Variants in STK33 observed in about 807,000 individuals in gnomAD.
The protein encoded by STK33 is serine/threonine kinase 33, also known as serine/threonine-protein kinase 33.
STK33 carries 52 observed loss-of-function variants against 58.0 expected under a neutral mutation model. The ratio of observed to expected loss-of-function variants is 0.90; its 90% CI spans 0.72 to 1.13. STK33 has a LOEUF of 1.13. Ranked by LOEUF, STK33 falls within the 50% of genes most tolerant of loss-of-function variation. The probability of loss-of-function intolerance (pLI) is 0.00; values close to 1 mark genes in which losing one functional copy is unlikely to be tolerated. For synonymous variants in STK33, 215 were observed against 200.1 expected, an observed-to-expected ratio of 1.07 and a Z score of -0.63; for missense variants, 630 against 604.2, an observed-to-expected ratio of 1.04 and a Z score of -0.45.
At chr11:8,479,881 C>A (rs1315987888) in intron 2 of STK33, among the ~76,000 whole-genome samples, 2 of 152,010 alleles carry the variant, frequency 1.3e-5, no homozygotes, top group Non-Finnish European at 2.9e-5. Context: ...AACCAGAAGC[C>A]AAGGACCTTT....
At chr11:8,391,860 A>C (rs73402068), downstream of STK33, 16,347 of 152,886 alleles carry the variant, frequency 0.11, 1,005 homozygotes, top group African/African-American at 0.14. Flanking sequence ...TGTTAACATA[A>C]AAATTAATGT....
At chr11:8,437,062 C>T (rs1288048194) in intron 12 of STK33, among the ~76,000 whole-genome samples, 1 of 152,106 alleles carries the variant, frequency 6.6e-6, no homozygotes, top group African/African-American at 2.4e-5. Context: ...GGACACAACT[C>T]ATCAAAAATT....
chr11:8,477,064 T>A (rs1299598632), intron 3 of STK33, among the ~76,000 whole-genome samples, 186 bp downstream of exon 3: 2 of 150,678 alleles, frequency 1.3e-5, no homozygotes, highest in African/African-American at 4.9e-5. Flanking sequence ...TAATGGAGAG[T>A]ATGAGGACAG....
At chr11:8,370,609 C>A in the STK33 span, among the ~76,000 whole-genome samples, 5 of 152,172 alleles carry the variant, frequency 3.3e-5, no homozygotes, top group East Asian at 3.9e-4. Context: ...GCTACAGATA[C>A]GGGGCCCAGA....
At chr11:8,488,934 T>C (rs1057402279) in intron 1 of STK33, among the ~76,000 whole-genome samples, 9 of 152,130 alleles carry the variant, frequency 5.9e-5, no homozygotes, top group Non-Finnish European at 1.0e-4. Flanking sequence ...GTTTTAAATA[T>C]GTTCAAAGTG....
chr11:8,518,078 G>C (rs1952983569), intron 1 of STK33, among the ~76,000 whole-genome samples: 1 of 152,144 alleles, frequency 6.6e-6, no homozygotes, highest in Admixed American at 6.5e-5. Flanking sequence ...AAAATGTTAA[G>C]GGCAGCCAGA....
intron 1 of STK33, among the ~76,000 whole-genome samples, chr11:8,515,136 C>A (rs546246423): frequency 6.6e-6 from 1 of 151,848 alleles, no homozygotes; most frequent in South Asian, 2.1e-4. Context: ...GAAAAGAATA[C>A]AAGAGACATA....
intron 1 of STK33, among the ~76,000 whole-genome samples, chr11:8,497,365 T>G (rs1232836441): frequency 6.6e-6 from 1 of 152,170 alleles, no homozygotes; most frequent in African/African-American, 2.4e-5. Flanking sequence ...GAGAAGCAAC[T>G]TATCACATAC....
At chr11:8,401,259 A>C (rs905570629) in intron 15 of STK33, among the ~76,000 whole-genome samples, 1 of 152,350 alleles carries the variant, frequency 6.6e-6, no homozygotes, top group East Asian at 1.9e-4. Flanking sequence ...TGGTACTGGT[A>C]CCAAAACAGA....
At chr11:8,349,132 C>T in the STK33 span, among the ~76,000 whole-genome samples, 7 of 152,306 alleles carry the variant, frequency 4.6e-5, no homozygotes, top group Admixed American at 2.6e-4. Flanking sequence ...ATTTCCACTT[C>T]TAGCTGTGTG....
At chr11:8,336,587 T>C in the STK33 span, among the ~76,000 whole-genome samples, 204 of 152,310 alleles carry the variant, frequency 1.3e-3, 1 homozygote, top group African/African-American at 4.4e-3. Context: ...CAGCACAAAG[T>C]GGGTGGCCCA....
At chr11:8,467,991 C>A (rs1233251411) in intron 6 of STK33, among the ~76,000 whole-genome samples, 1 of 151,780 alleles carries the variant, frequency 6.6e-6, no homozygotes, top group Non-Finnish European at 1.5e-5. Flanking sequence ...TTTTTGGCAG[C>A]ACCCCACTTC....
intron 1 of STK33, among the ~76,000 whole-genome samples, chr11:8,520,208 T>C (rs1953271393): frequency 6.6e-6 from 1 of 152,194 alleles, no homozygotes; most frequent in Non-Finnish European, 1.5e-5. Flanking sequence ...TCAATAAATG[T>C]AATCCAGCAT....
intron 1 of STK33, among the ~76,000 whole-genome samples, chr11:8,498,258 C>A (rs1273005701): frequency 2.0e-5 from 3 of 152,012 alleles, no homozygotes; most frequent in African/African-American, 7.2e-5. Context: ...TGATAAAAGT[C>A]ATCTATTAAA....
chr11:8,435,127 C>T (rs373681235), intron 14 of STK33, among the ~76,000 whole-genome samples: 2 of 152,168 alleles, frequency 1.3e-5, no homozygotes, highest in Non-Finnish European at 2.9e-5. Context: ...ATTTTCTACA[C>T]CCCAAGAGTT....
In STK33 at chr11:8,455,516, A is replaced by G. The variant is rs575151814; in HGVS notation, c.698-684T>C. 3.9e-5 allele frequency among the ~76,000 whole-genome samples: 6 copies of G among 152,236 alleles called. No homozygotes were observed. In the East Asian group the frequency reaches 1.2e-3, roughly 29 times the overall value. On this transcript the variant is annotated intron_variant, in intron 9 of 15. Transcript: ENST00000687296. Reference sequence around the variant, plus strand: ...TTGCAAACATTTCCCTAGACTTAAAAAGTTATACACGGCCAGGCGCAGTGG... The same window carrying G: ...TTGCAAACATTTCCCTAGACTTAAAGAGTTATACACGGCCAGGCGCAGTGG...
intron 11 of STK33, 123 bp from the exon 12 acceptor site, chr11:8,440,876 C>A (rs1944659457): frequency 1.1e-6 from 1 of 911,498 alleles, no homozygotes; most frequent in Non-Finnish European, 1.6e-6. Context: ...GAAAAGAGAA[C>A]CAACAGCAGA....
intron 14 of STK33, among the ~76,000 whole-genome samples, chr11:8,421,451 A>T (rs1462577350): frequency 1.3e-5 from 2 of 152,224 alleles, no homozygotes; most frequent in East Asian, 3.9e-4. Flanking sequence ...TTCCAGATAC[A>T]CCTGGATATG....
the STK33 span, among the ~76,000 whole-genome samples, chr11:8,367,902 GCCCAAA>G: frequency 6.6e-6 from 1 of 152,008 alleles, no homozygotes; most frequent in African/African-American, 2.4e-5. Flanking sequence ...CAGTGCACAC[GCCCAAA>G]CCCAGGCTAT....
Sources: allele counts gnomAD v4.1 joint callset (sites outside exome capture counted in the v4.1 genomes callset), GRCh38; gene constraint gnomAD v4.1.1; transcripts MANE v1.5; gene names NCBI Gene and HGNC (gene_info 2026-07-23, HGNC 2026-07-21).